FAM118A: variants seen among roughly 807,000 people sequenced by gnomAD.
FAM118A encodes the protein protein FAM118A.
A neutral mutation model predicts 38.2 loss-of-function variants in FAM118A; 25 were observed. The observed-to-expected ratio is 0.65, with a 90% CI of 0.48 to 0.91. FAM118A has a LOEUF of 0.91. FAM118A is among the 40% of genes least tolerant of loss of function. The pLI, the probability that FAM118A is intolerant of heterozygous loss-of-function variation, is 0.00. For missense variants in FAM118A, 425 were observed against 463.3 expected, an observed-to-expected ratio of 0.92 and a Z score of 0.76; for synonymous variants, 178 against 184.1, an observed-to-expected ratio of 0.97 and a Z score of 0.27.
intron 1 of FAM118A, among the ~76,000 whole-genome samples, chr22:45,319,860 T>C (rs1372275911): frequency 1.3e-5 from 2 of 152,220 alleles, no homozygotes; most frequent in East Asian, 3.8e-4. Context: ...AGTCTTTCCC[T>C]GGGGCAGGTT....
intron 8 of FAM118A, among the ~76,000 whole-genome samples, chr22:45,338,290 C>T (rs981813698): frequency 4.6e-5 from 7 of 151,954 alleles, no homozygotes; most frequent in African/African-American, 7.3e-5. Flanking sequence ...AGTGCAGTGG[C>T]GCGATCTCGG....
chr22:45,339,803 CA>C (rs751539780), intron 8 of FAM118A, among the ~76,000 whole-genome samples: 95 of 152,352 alleles, frequency 6.2e-4, no homozygotes, highest in Non-Finnish European at 3.2e-4. Flanking sequence ...CTGGTGTGCA[CA>C]TCGCGGGTAG....
At position 45,327,081 on chromosome 22, in the gene FAM118A, A is replaced by T. The variant is rs556340348; in HGVS notation, c.301-761A>T. Among the ~76,000 whole-genome samples, 1,489 of 151,478 alleles carry T rather than the reference A, an allele frequency of 9.8e-3. 15 individuals carry two copies. Among genetic ancestry groups the T allele is most frequent in the African/African-American group, 0.03 (1,258 of 41,424 alleles). On this transcript the variant is annotated intron_variant, in intron 3 of 8. Coordinates refer to ENST00000441876, the MANE Select transcript of FAM118A (RefSeq NM_017911.4). ...AAAAAATTAAATTAAAAAAATTTTT[A>T]AAAAATATAATGAGTTGGGTGTGGT...
intron 3 of FAM118A, 54 bp from the exon 4 acceptor site, chr22:45,327,788 T>C (rs1017734290): frequency 1.9e-6 from 3 of 1,576,232 alleles, no homozygotes; most frequent in African/African-American, 1.4e-5. Flanking sequence ...GCTTAGGTGC[T>C]CAGTAGTTGT....
chr22:45,327,445 C>A (rs9615107), intron 3 of FAM118A, among the ~76,000 whole-genome samples: 12 of 151,960 alleles, frequency 7.9e-5, no homozygotes, highest in Non-Finnish European at 4.4e-5. Flanking sequence ...CCTCCGTGGC[C>A]TCTTGCTGAC....
intron 8 of FAM118A, among the ~76,000 whole-genome samples, chr22:45,336,940 GATTT>G (rs936709484): frequency 2.6e-5 from 4 of 152,202 alleles, no homozygotes; most frequent in Non-Finnish European, 5.9e-5. Flanking sequence ...TACAGACTAA[GATTT>G]ATTTAAGTGA....
At chr22:45,337,887 T>G in intron 8 of FAM118A, 1 of 985,450 alleles carries the variant, frequency 1.0e-6, no homozygotes, top group Non-Finnish European at 1.2e-6. Context: ...TTCTCCGTTG[T>G]GATTCCCCCG....
At position 45,323,411 on chromosome 22, in the gene FAM118A, T is replaced by A; in HGVS notation, c.284T>A (p.Ile95Asn). 6.2e-7 allele frequency: 1 copy of A among 1,613,462 alleles called. No individual in the cohort carries two copies. Among genetic ancestry groups the A allele is most frequent in the Non-Finnish European group, 8.5e-7 (1 of 1,179,474 alleles). ...CTGTTGGTTGTCGCCCATGATCTGA[T>A]CCGGAAGATGTCACCTGTAAGTGTC... ...RDLLVVAHDLIRKMSPRTGDA... is the reference protein window; with the variant it reads ...RDLLVVAHDLNRKMSPRTGDA... Residue 95 changes from isoleucine (I) to asparagine (N), a missense_variant, in exon 3 of 9, where the codon ATC (isoleucine) becomes AAC (asparagine). Physicochemically the swap from Ile to Asn is moderately radical, Grantham distance 149 (BLOSUM62 -3). Transcript: ENST00000441876.
At chr22:45,336,273 C>T (rs377660915) in intron 7 of FAM118A, 55 bp from the exon 8 acceptor site, 7 of 1,432,962 alleles carry the variant, frequency 4.9e-6, no homozygotes, top group Non-Finnish European at 5.9e-6. Flanking sequence ...ATGAACTGTG[C>T]CTTGGCGAGT....
Position 45,340,550 on chromosome 22 carries a change from C to T in FAM118A, c.*145C>T. ...CAAGAGAGCCACATGGGCATGTGGCCCTCAAGGCTGGGTGAGAGGGCTCCC... is the reference window on the plus strand; with the variant it reads ...CAAGAGAGCCACATGGGCATGTGGCTCTCAAGGCTGGGTGAGAGGGCTCCC... On this transcript the variant is annotated 3_prime_UTR_variant, in exon 9 of 9. Transcript: ENST00000441876. 5.1e-6 allele frequency: 5 copies of T among 976,852 alleles called. No homozygotes were observed. The highest frequency in any genetic ancestry group is 8.1e-6 in the Non-Finnish European group (5 of 615,910). The allele number at this position is 976,852 out of a possible 1,614,324, so 60.5% of individuals were successfully genotyped here.
chr22:45,327,745 G>T, intron 3 of FAM118A, 97 bp from the exon 4 acceptor site: 1 of 1,252,714 alleles, frequency 8.0e-7, no homozygotes, highest in Non-Finnish European at 1.1e-6. Flanking sequence ...TTTGTTTTCA[G>T]CCGCTGTATC....
Position 45,340,519 on chromosome 22 carries a change from A to G in FAM118A, c.*114A>G. ...GGATCTCTGATTGCGAAACCGTCAC[A>G]TACACCAAGAGAGCCACATGGGCAT... is the stretch of plus-strand genomic sequence containing the variant. On this transcript the variant is annotated 3_prime_UTR_variant, in exon 9 of 9. Transcript: ENST00000441876. 2 of 1,275,098 alleles carry G rather than the reference A, an allele frequency of 1.6e-6. No individual in the cohort carries two copies. Among genetic ancestry groups the G allele is most frequent in the African/African-American group, 2.9e-5 (2 of 68,302 alleles). The allele number at this position is 1,275,098 out of a possible 1,614,324, so 79.0% of individuals were successfully genotyped here. A position where few individuals can be genotyped will look rare whatever the true frequency, so the allele number is the denominator to read the frequency against.
At chr22:45,318,318 G>C (rs1229556060) in intron 1 of FAM118A, 1 of 152,190 alleles carries the variant, frequency 6.6e-6, no homozygotes, top group Non-Finnish European at 1.5e-5. Flanking sequence ...AAAAAAGAAG[G>C]GTTGCTATGA....
At chr22:45,311,671 C>T (rs1413965426) in intron 1 of FAM118A, among the ~76,000 whole-genome samples, 2 of 151,696 alleles carry the variant, frequency 1.3e-5, no homozygotes, top group African/African-American at 2.4e-5. Flanking sequence ...AGGAGAGGGG[C>T]GGGAGTTGGT....
intron 1 of FAM118A, among the ~76,000 whole-genome samples, chr22:45,319,899 G>T (rs2084775913): frequency 6.6e-6 from 1 of 152,178 alleles, no homozygotes; most frequent in Non-Finnish European, 1.5e-5. Flanking sequence ...CGTTTTCTTT[G>T]CCTGTGGACT....
At chr22:45,314,445 G>A (rs115758605) in intron 1 of FAM118A, among the ~76,000 whole-genome samples, 1 of 152,246 alleles carries the variant, frequency 6.6e-6, no homozygotes, top group African/African-American at 2.4e-5. Flanking sequence ...CAGTGGACCA[G>A]ACAATGCCCA....
chr22:45,340,266 T>G (rs1213224460), intron 8 of FAM118A, 120 bp from the exon 9 acceptor site: 4 of 1,216,148 alleles, frequency 3.3e-6, no homozygotes, highest in Non-Finnish European at 4.8e-6. Flanking sequence ...TGGAGGGGTT[T>G]TCAAAGTCTT....
At chr22:45,318,942 G>A (rs1191990747) in intron 1 of FAM118A, 2 of 152,226 alleles carry the variant, frequency 1.3e-5, no homozygotes, top group African/African-American at 4.8e-5. Flanking sequence ...ACCCAGGAGT[G>A]CGAGCTGTGG....
chr22:45,331,376 A>G lies in FAM118A; in HGVS notation c.651+645A>G, dbSNP rs562616144. 4.2e-4 allele frequency among the ~76,000 whole-genome samples: 60 copies of G among 141,658 alleles called. No individual in the cohort carries two copies. In the South Asian group the frequency reaches 9.1e-3, roughly 22 times the overall value. The allele number at this position is 141,658 out of a possible 152,430, so 92.9% of individuals were successfully genotyped here. A position where few individuals can be genotyped will look rare whatever the true frequency, so the allele number is the denominator to read the frequency against. ...AACACTTCATTCTCTGTGAGGTTTT[A>G]TTTTTCTTCTTCTTAAATAGACAGG... On this transcript the variant is annotated intron_variant, in intron 5 of 8. Coordinates refer to ENST00000441876, the MANE Select transcript of FAM118A (RefSeq NM_017911.4).
Sources: gnomAD v4.1 joint callset for allele counts (sites outside exome capture counted in the v4.1 genomes callset) on GRCh38, gnomAD v4.1.1 for gene constraint, MANE v1.5 for transcripts, NCBI Gene and HGNC (gene_info 2026-07-23, HGNC 2026-07-21) for gene names.